The following CDH12 variants were observed in gnomAD, a reference collection of about 807,000 sequenced individuals.
CDH12 encodes the protein cadherin 12, also known as cadherin-12.
CDH12 carries 41 observed loss-of-function variants against 74.1 expected under a neutral mutation model. That is an observed-to-expected ratio of 0.55 (90% confidence interval 0.43 to 0.72). CDH12 has a LOEUF of 0.72. Ranked by LOEUF, CDH12 falls within the 30% of genes least tolerant of loss-of-function variation. The probability of loss-of-function intolerance (pLI) is 0.00; values close to 1 mark genes in which losing one functional copy is unlikely to be tolerated. For synonymous variants in CDH12, 399 were observed against 355.0 expected (o/e 1.12, Z -1.39); for missense variants, 945 against 977.2 (o/e 0.97, Z 0.44).
chr5:22,076,740 C>T (rs1247085531), intron 5 of CDH12, among the ~76,000 whole-genome samples: 1 of 152,110 alleles, frequency 6.6e-6, no homozygotes, highest in Non-Finnish European at 1.5e-5. Context: ...GCAGTAACCT[C>T]CGGGGACTTC....
At chr5:22,519,838 G>A (rs1736970872) in intron 1 of CDH12, among the ~76,000 whole-genome samples, 1 of 152,108 alleles carries the variant, frequency 6.6e-6, no homozygotes, top group East Asian at 1.9e-4. Context: ...ATATTATGTA[G>A]TTCATGGAGT....
intron 6 of CDH12, among the ~76,000 whole-genome samples, chr5:21,899,977 T>G (rs1426112414): frequency 6.6e-6 from 1 of 152,126 alleles, no homozygotes; most frequent in African/African-American, 2.4e-5. Context: ...AACATTTTAT[T>G]CATATATCTA....
chr5:22,769,314 G>T (rs1746687709), intron 1 of CDH12, among the ~76,000 whole-genome samples: 1 of 152,150 alleles, frequency 6.6e-6, no homozygotes, highest in African/African-American at 2.4e-5. Flanking sequence ...CAGCTGGCTT[G>T]CTGAGTCTTG....
At chr5:22,513,005 C>G (rs2126674445) in intron 1 of CDH12, among the ~76,000 whole-genome samples, 1 of 152,164 alleles carries the variant, frequency 6.6e-6, no homozygotes, top group East Asian at 1.9e-4. Flanking sequence ...CCACTGCAGT[C>G]CAGACTGGAC....
intron 3 of CDH12, among the ~76,000 whole-genome samples, chr5:22,389,648 CAA>C (rs1742143674): frequency 8.4e-6 from 1 of 119,704 alleles, no homozygotes; most frequent in African/African-American, 3.0e-5. Flanking sequence ...AATAAAAAGA[CAA>C]TTTTTTTTTT....
chr5:22,760,499 T>G (rs1746151173), intron 1 of CDH12, among the ~76,000 whole-genome samples: 1 of 151,822 alleles, frequency 6.6e-6, no homozygotes, highest in Non-Finnish European at 1.5e-5. Context: ...GCCAACATGA[T>G]GAAACACCAT....
chr5:22,113,009 T>C (rs894763075), intron 4 of CDH12, among the ~76,000 whole-genome samples: 3 of 152,176 alleles, frequency 2.0e-5, no homozygotes, highest in Non-Finnish European at 4.4e-5. Flanking sequence ...GAAATCATCA[T>C]CTGAGGACTA....
intron 9 of CDH12, among the ~76,000 whole-genome samples, chr5:21,811,480 G>A (rs1282007896): frequency 6.6e-6 from 1 of 151,766 alleles, no homozygotes; most frequent in Non-Finnish European, 1.5e-5. Context: ...CATATAAGAA[G>A]TATATATTTT....
chr5:22,739,457 T>C (rs1206499576), intron 1 of CDH12, among the ~76,000 whole-genome samples: 2 of 152,044 alleles, frequency 1.3e-5, no homozygotes, highest in Non-Finnish European at 2.9e-5. Flanking sequence ...TATAAGTAAA[T>C]ATTTTAGGAG....
chr5:21,880,493 TCCTTCCTTCCTCCCTC>T (rs749730091), intron 6 of CDH12, among the ~76,000 whole-genome samples: 2 of 61,976 alleles, frequency 3.2e-5, no homozygotes, highest in East Asian at 4.9e-4. Flanking sequence ...CTTCCTTCCT[TCCTTCCTTCCTCCCTC>T]CCTCCCTCTT....
chr5:21,880,605 T>TC, intron 6 of CDH12, among the ~76,000 whole-genome samples: 1 of 77,140 alleles, frequency 1.3e-5, no homozygotes, highest in Admixed American at 1.6e-4. Context: ...CCTTCCTTCC[T>TC]TCCTTCCTTC....
intron 1 of CDH12, among the ~76,000 whole-genome samples, chr5:22,831,439 G>A (rs185891295): frequency 5.3e-4 from 81 of 151,504 alleles, no homozygotes; most frequent in Non-Finnish European, 1.1e-3. Context: ...AGCATGGTGA[G>A]TGTTATGTCT....
At chr5:22,383,122 C>G (rs1477093886) in intron 3 of CDH12, among the ~76,000 whole-genome samples, 1 of 152,162 alleles carries the variant, frequency 6.6e-6, no homozygotes, top group African/African-American at 2.4e-5. Context: ...TGAGCCACTG[C>G]GCCCAGTCTC....
intron 1 of CDH12, among the ~76,000 whole-genome samples, chr5:22,723,785 G>C (rs1216661550): frequency 6.6e-6 from 1 of 151,978 alleles, no homozygotes; most frequent in Non-Finnish European, 1.5e-5. Context: ...TATGTATTTG[G>C]CACTAATAAG....
intron 6 of CDH12, among the ~76,000 whole-genome samples, chr5:21,911,357 C>T (rs1579949935): frequency 6.6e-6 from 1 of 152,048 alleles, no homozygotes; most frequent in African/African-American, 2.4e-5. Flanking sequence ...AGAATTCTTA[C>T]CATTATTGAT....
rs115159358 is a variant in CDH12 at position 22,780,395 on chromosome 5, T to C, written c.-523+72663A>G. On this transcript the variant is annotated intron_variant, in intron 1 of 14. Transcript: ENST00000382254. Reference sequence around the variant, plus strand: ...AAGAAATACGTGAGATTGGGTAATTTACAAAGAAAAGAAGTTTAATTGACT... The same window carrying C: ...AAGAAATACGTGAGATTGGGTAATTCACAAAGAAAAGAAGTTTAATTGACT... Among the ~76,000 whole-genome samples, 6 of 152,202 alleles carry C rather than the reference T, an allele frequency of 3.9e-5. No individual in the cohort carries two copies. The South Asian group carries it at 1.0e-3, about 26-fold the overall frequency.
In CDH12 at chr5:22,078,471, C is replaced by A; in HGVS notation, c.206G>T (p.Gly69Val). 1 of 1,613,720 alleles carries A rather than the reference C, an allele frequency of 6.2e-7. No homozygotes were observed. Among genetic ancestry groups the A allele is most frequent in the Non-Finnish European group, 8.5e-7 (1 of 1,179,776 alleles). The change falls in exon 5 of 15, where the codon GGC (glycine) becomes GTC (valine). Residue 69 changes from glycine to valine, a missense_variant. Physicochemically the swap from Gly to Val is moderately radical, Grantham distance 109 (BLOSUM62 -3). Coordinates refer to ENST00000382254, the MANE Select transcript of CDH12 (RefSeq NM_004061.5). ...CTTTCCCACATACTGAGGCTCGGAG[C>A]CCACGTATTCTTCCAGCACAAAAAA... The part of the protein sequence containing the change: ...NQFFVLEEYV[G>V]SEPQYVGKLH...
intron 4 of CDH12, among the ~76,000 whole-genome samples, chr5:22,093,706 A>C (rs1743572721): frequency 6.6e-6 from 1 of 152,164 alleles, no homozygotes; most frequent in Non-Finnish European, 1.5e-5. Flanking sequence ...TGATGGTTGC[A>C]ACACTATGTG....
rs558488934 is a variant in CDH12, at chr5:22,148,521, A to G, written c.-187+63977T>C. On this transcript the variant is annotated intron_variant, in intron 4 of 14. Coordinates refer to ENST00000382254, the MANE Select transcript of CDH12 (RefSeq NM_004061.5). ...AGGCTGCCATAGCAAATTTGCACAA[A>G]CTTGGCATCTTAAAATAACAGAAAT... Among the ~76,000 whole-genome samples the G allele has an allele frequency of 3.1e-3, 467 of 151,996 alleles. 2 individuals carry two copies. Among genetic ancestry groups the G allele is most frequent in the African/African-American group, 0.011 (445 of 41,446 alleles).
Sources: gnomAD v4.1 joint callset for allele counts (sites outside exome capture counted in the v4.1 genomes callset) on GRCh38, gnomAD v4.1.1 for gene constraint, MANE v1.5 for transcripts, NCBI Gene and HGNC (gene_info 2026-07-23, HGNC 2026-07-21) for gene names.